The following ATF7IP2 variants were observed in gnomAD, a reference collection of about 807,000 sequenced individuals.
The protein encoded by ATF7IP2 is activating transcription factor 7-interacting protein 2.
In ATF7IP2, 42 loss-of-function variants were observed where a neutral mutation model predicts 64.2. The observed-to-expected ratio is 0.65, with a 90% confidence interval of 0.51 to 0.85. The LOEUF (loss-of-function observed/expected upper bound fraction) is 0.85, where lower values mean the gene tolerates loss of function less well. Among genes scored for constraint, ATF7IP2 ranks in the 40% least tolerant of loss-of-function variants. The probability of loss-of-function intolerance (pLI) is 0.00; values close to 1 mark genes in which losing one functional copy is unlikely to be tolerated. For synonymous variants in ATF7IP2, 308 were observed against 272.8 expected, an observed-to-expected ratio of 1.13 and a Z score of -1.27; for missense variants, 933 against 784.2, an observed-to-expected ratio of 1.19 and a Z score of -2.27.
chr16:10,477,060 C>T (rs866275183), intron 12 of ATF7IP2, among the ~76,000 whole-genome samples: 3 of 152,054 alleles, frequency 2.0e-5, no homozygotes, highest in Non-Finnish European at 2.9e-5. Context: ...ATGATGAAAT[C>T]GCCAAAACCA....
At chr16:10,425,713 G>T (rs2048071128) in intron 3 of ATF7IP2, among the ~76,000 whole-genome samples, 1 of 152,046 alleles carries the variant, frequency 6.6e-6, no homozygotes, top group Non-Finnish European at 1.5e-5. Context: ...GACCAACACT[G>T]AGGAACCCCA....
At chr16:10,387,596 A>G (rs1887827505) in intron 1 of ATF7IP2, 1 of 152,230 alleles carries the variant, frequency 6.6e-6, no homozygotes, top group Non-Finnish European at 1.5e-5. Context: ...GAAATCTGGT[A>G]CGAAACTATT....
intron 8 of ATF7IP2, 30 bp downstream of exon 8, chr16:10,440,492 A>G (rs1555509711): frequency 2.5e-6 from 3 of 1,222,458 alleles, no homozygotes; most frequent in South Asian, 2.8e-5. Flanking sequence ...AATTGTAATC[A>G]TCTATTTGAC....
chr16:10,475,265 G>GT (rs1312214661), intron 12 of ATF7IP2, among the ~76,000 whole-genome samples: 2 of 152,228 alleles, frequency 1.3e-5, no homozygotes, highest in Admixed American at 1.3e-4. Flanking sequence ...CTTAAATGGA[G>GT]TGGTGTCACG....
chr16:10,446,465 G>A (rs1243355522), intron 8 of ATF7IP2: 4 of 152,052 alleles, frequency 2.6e-5, no homozygotes, highest in African/African-American at 9.7e-5. Context: ...CAGTCTTTAG[G>A]GGGTGAAGGA....
At chr16:10,476,011 G>A (rs899579503) in intron 12 of ATF7IP2, among the ~76,000 whole-genome samples, 1 of 152,114 alleles carries the variant, frequency 6.6e-6, no homozygotes, top group Non-Finnish European at 1.5e-5. Flanking sequence ...TTTGCCAAGG[G>A]CCAGTTGACT....
intron 8 of ATF7IP2, among the ~76,000 whole-genome samples, chr16:10,441,683 A>G (rs1193020991): frequency 2.6e-5 from 4 of 152,114 alleles, no homozygotes; most frequent in Admixed American, 2.6e-4. Context: ...ATTTTCTCCC[A>G]TTCTGTAGGT....
chr16:10,452,417 G>C lies in ATF7IP2; in HGVS notation c.1195-4955G>C, dbSNP rs570537680. 1.1e-4 allele frequency among the ~76,000 whole-genome samples: 16 copies of C among 152,288 alleles called. No individual in the cohort carries two copies. In the South Asian group the frequency reaches 2.9e-3, roughly 28 times the overall value. Reference sequence around the variant, plus strand: ...GGTCCACTCCCGACCTTGTTTGCCTGGGTATCACCAGCAGAGGCTGCAGAA... The same window carrying C: ...GGTCCACTCCCGACCTTGTTTGCCTCGGTATCACCAGCAGAGGCTGCAGAA... On this transcript the variant is annotated intron_variant, in intron 8 of 13. Transcript: ENST00000562102.
chr16:10,386,369 G>C (rs1392488379), intron 1 of ATF7IP2: 1 of 152,418 alleles, frequency 6.6e-6, no homozygotes, highest in African/African-American at 2.4e-5. Context: ...TGGTGAAGCG[G>C]GAGTGGTGTG....
chr16:10,410,232 T>A (rs1341492101), intron 1 of ATF7IP2, among the ~76,000 whole-genome samples: 2 of 152,376 alleles, frequency 1.3e-5, no homozygotes, highest in South Asian at 2.1e-4. Flanking sequence ...TTTGTTTGTA[T>A]CATCTGTGAT....
intron 8 of ATF7IP2, among the ~76,000 whole-genome samples, chr16:10,451,335 G>A (rs146213721): frequency 0.012 from 1,836 of 152,190 alleles, 20 homozygotes; most frequent in African/African-American, 0.021. Flanking sequence ...GGTGGTCTCT[G>A]TATTTCCTGA....
intron 9 of ATF7IP2, among the ~76,000 whole-genome samples, chr16:10,468,746 T>A (rs9923282): frequency 0.079 from 12,025 of 152,238 alleles, 974 homozygotes; most frequent in African/African-American, 0.2. Flanking sequence ...TACGAGAGAC[T>A]GGGGAAAGAA....
intron 9 of ATF7IP2, among the ~76,000 whole-genome samples, chr16:10,461,362 T>G (rs1347301392): frequency 6.6e-6 from 1 of 152,160 alleles, no homozygotes; most frequent in African/African-American, 2.4e-5. Flanking sequence ...TAGAGGTATA[T>G]CTATTGCATG....
rs776442274 is a variant in ATF7IP2 at position 10,457,536 on chromosome 16, GT to G, written c.1352+10del. The G allele has an allele frequency of 1.8e-5, 27 of 1,539,794 alleles. No homozygotes were observed. The highest frequency in any genetic ancestry group is 8.7e-7 in the Non-Finnish European group (1 of 1,148,524). On this transcript the variant is annotated splice_region_variant and intron_variant, in intron 9 of 13. Coordinates refer to ENST00000562102, the MANE Select transcript of ATF7IP2 (RefSeq NM_001393719.1). ...ATAAGTCTGTTTCTGAAAGGTAGGT[GT>G]TTCTGCAAAAATGCATAAATTTATC...
chr16:10,431,493 A>G (rs753931638), intron 5 of ATF7IP2, 38 bp downstream of exon 5: 12 of 1,369,534 alleles, frequency 8.8e-6, no homozygotes, highest in Non-Finnish European at 1.1e-5. Flanking sequence ...AAAAATTAAA[A>G]TAGTCACTTT....
intron 7 of ATF7IP2, among the ~76,000 whole-genome samples, chr16:10,439,007 T>C (rs1264575894): frequency 7.5e-6 from 1 of 133,806 alleles, no homozygotes; most frequent in African/African-American, 2.9e-5. Context: ...GAGCAGAGAT[T>C]GCACCACTGC....
At position 10,405,962 on chromosome 16, in the gene ATF7IP2, G is replaced by A. The variant is rs78958579; in HGVS notation, c.-241-8612G>A. ...AAACTAGCTGGGTGTGGTGGCACGTGCCTGTAATCCCAGCTACTCAGGAGG... is the reference window on the plus strand; with the variant it reads ...AAACTAGCTGGGTGTGGTGGCACGTACCTGTAATCCCAGCTACTCAGGAGG... On this transcript the variant is annotated intron_variant, in intron 1 of 13. Transcript: ENST00000562102. 3.3e-5 allele frequency among the ~76,000 whole-genome samples: 5 copies of A among 152,162 alleles called. No homozygotes were observed. In the South Asian group the frequency reaches 6.2e-4, roughly 19 times the overall value.
chr16:10,440,638 A>G (rs1403480056), intron 8 of ATF7IP2, among the ~76,000 whole-genome samples, 176 bp downstream of exon 8: 1 of 152,232 alleles, frequency 6.6e-6, no homozygotes, highest in African/African-American at 2.4e-5. Flanking sequence ...AGTACATGCC[A>G]CTTGTATTTC....
At chr16:10,433,846 A>G (rs1453954284) in intron 6 of ATF7IP2, among the ~76,000 whole-genome samples, 197 bp downstream of exon 6, 1 of 152,216 alleles carries the variant, frequency 6.6e-6, no homozygotes, top group Non-Finnish European at 1.5e-5. Context: ...TTTCTTGAAA[A>G]TGGTCTCATG....
Sources: gnomAD v4.1 joint callset for allele counts (sites outside exome capture counted in the v4.1 genomes callset) on GRCh38, gnomAD v4.1.1 for gene constraint, MANE v1.5 for transcripts, NCBI Gene and HGNC (gene_info 2026-07-23, HGNC 2026-07-21) for gene names.